Variants in FCSK observed in about 807,000 individuals in gnomAD.
FCSK encodes the protein L-fucose kinase.
Under a neutral mutation model 122.5 loss-of-function variants are expected in FCSK, and 123 were observed. The observed-to-expected ratio is 1.00, with a 90% CI of 0.87 to 1.17. FCSK has a LOEUF of 1.17. FCSK is among the 50% of genes most tolerant of loss of function. FCSK has a pLI of 0.00. For missense variants in FCSK, 1,366 were observed against 1,450.4 expected (o/e 0.94, Z 0.95); for synonymous variants, 620 against 625.5 (o/e 0.99, Z 0.13).
At chr16:70,463,126 A>T (rs2048318581) in intron 1 of FCSK, 43 bp from the exon 2 acceptor site, 5 of 1,103,762 alleles carry the variant, frequency 4.5e-6, no homozygotes, top group Non-Finnish European at 4.1e-6. Flanking sequence ...TTTAGTTATG[A>T]TGGTTTAAAA....
chr16:70,460,821 C>T (rs1271327338), intron 1 of FCSK, among the ~76,000 whole-genome samples: 1 of 152,210 alleles, frequency 6.6e-6, no homozygotes, highest in Non-Finnish European at 1.5e-5. Flanking sequence ...AAAGCGTGGC[C>T]TCCATGTAAA....
chr16:70,463,744 T>C lies in FCSK; in HGVS notation c.204T>C (p.Ala68=). The C allele has an allele frequency of 6.2e-7, 1 of 1,612,158 alleles. No individual in the cohort carries two copies. Among genetic ancestry groups the C allele is most frequent in the Non-Finnish European group, 8.5e-7 (1 of 1,179,848 alleles). Residue 68 remains alanine, a synonymous_variant, in exon 3 of 24, where the codon GCT becomes GCC. Coordinates refer to ENST00000288078, the MANE Select transcript of FCSK (RefSeq NM_145059.3). ...CCCTCAACGCCCTGCTGGTGGCTGC[T>C]GAACACCTGAGTGCCCGGGCAGGCT... ...GATLNALLVA[A]EHLSARAGFT...
intron 6 of FCSK, 69 bp from the exon 7 acceptor site, chr16:70,467,305 C>A: frequency 8.7e-7 from 1 of 1,148,600 alleles, no homozygotes; most frequent in Non-Finnish European, 1.3e-6. Flanking sequence ...GCTCTTGCTT[C>A]CACCTGGTGG....
intron 7 of FCSK, 173 bp downstream of exon 7, chr16:70,467,644 A>C: frequency 3.1e-6 from 2 of 640,638 alleles, no homozygotes; most frequent in Non-Finnish European, 5.5e-6. Context: ...CGCCAAAAAT[A>C]CATTTCACAC....
chr16:70,464,340 T>C lies in FCSK; in HGVS notation c.234+566T>C, dbSNP rs776556052. On this transcript the variant is annotated intron_variant, in intron 3 of 23. Transcript: ENST00000288078. ...CAGCCAGCCCCCAACTCTTGTTGCC[T>C]GTAACCTCCCCTTCAAAACAGACAG... 1.2e-4 allele frequency among the ~76,000 whole-genome samples: 19 copies of C among 152,244 alleles called. No homozygotes were observed. In the Middle Eastern group the frequency reaches 0.01, roughly 82 times the overall value.
chr16:70,474,630 G>T lies in FCSK; in HGVS notation c.2091G>T (p.Gln697His). The change falls in exon 17 of 24, where the codon CAG becomes CAT. Residue 697 changes from glutamine (Q) to histidine (H), a missense_variant. Gln to His is a conservative substitution (Grantham distance 24). Coordinates refer to ENST00000288078, the MANE Select transcript of FCSK (RefSeq NM_145059.3). ...CCCAGCACTTTGTCTCCACAGAGCA[G>T]GTGGAACTGCCGGGACCTGGGCAGT... Reference protein sequence around the residue: ...MSAQHFVSTEQVELPGPGQWV... With the variant: ...MSAQHFVSTEHVELPGPGQWV... The T allele has an allele frequency of 1.3e-6, 2 of 1,592,572 alleles. No homozygotes were observed. The highest frequency in any genetic ancestry group is 1.7e-6 in the Non-Finnish European group (2 of 1,169,736).
chr16:70,475,046 G>A (rs1426885415), intron 18 of FCSK, 35 bp downstream of exon 18: 11 of 1,540,962 alleles, frequency 7.1e-6, no homozygotes, highest in African/African-American at 1.4e-5. Flanking sequence ...GGTGGGGCTG[G>A]CCAGCTGGGG....
intron 10 of FCSK, 68 bp from the exon 11 acceptor site, chr16:70,470,246 C>A: frequency 9.2e-7 from 1 of 1,085,706 alleles, no homozygotes; most frequent in Non-Finnish European, 1.4e-6. Flanking sequence ...GTCTCTGCTG[C>A]TGGGAGGCAG....
rs1467484253 is a variant in FCSK at position 70,479,688 on chromosome 16, TTC to T, written c.*14_*15del. 4 of 1,611,650 alleles carry T rather than the reference TTC, an allele frequency of 2.5e-6. No homozygotes were observed. The Admixed American group carries it at 6.7e-5, about 27-fold the overall frequency. ...TGTTGCCCTTTCCCATGAAGCTGGC[TTC>T]TCTCTGCAACAGGAGAAAACCTGGA... On this transcript the variant is annotated 3_prime_UTR_variant, in exon 24 of 24. Coordinates refer to ENST00000288078, the MANE Select transcript of FCSK (RefSeq NM_145059.3).
chr16:70,465,292 T>C, intron 4 of FCSK, 116 bp downstream of exon 4: 1 of 1,062,058 alleles, frequency 9.4e-7, no homozygotes, highest in Non-Finnish European at 1.3e-6. Context: ...ATCTGAAAGA[T>C]TCTAAATGTC....
intron 3 of FCSK, 61 bp from the exon 4 acceptor site, chr16:70,465,065 G>T: frequency 1.2e-6 from 2 of 1,603,674 alleles, no homozygotes; most frequent in Non-Finnish European, 1.7e-6. Context: ...GGATTCGAGG[G>T]TGCCATCCTC....
intron 1 of FCSK, among the ~76,000 whole-genome samples, chr16:70,460,002 A>C (rs1237760511): frequency 6.6e-6 from 1 of 150,674 alleles, no homozygotes; most frequent in African/African-American, 2.4e-5. Context: ...GGGTTTCACC[A>C]TGTTGGCCAG....
At chr16:70,464,160 C>T (rs1409030303) in intron 3 of FCSK, among the ~76,000 whole-genome samples, 1 of 152,202 alleles carries the variant, frequency 6.6e-6, no homozygotes, top group Non-Finnish European at 1.5e-5. Flanking sequence ...GTCTCCCATG[C>T]AACCAGCCAC....
intron 20 of FCSK, 52 bp from the exon 21 acceptor site, chr16:70,478,220 G>T (rs976452950): frequency 6.3e-7 from 1 of 1,585,074 alleles, no homozygotes; most frequent in Non-Finnish European, 8.6e-7. Context: ...TAGGCTGGGA[G>T]AGTGAAGCTG....
At position 70,478,447 on chromosome 16, in the gene FCSK, G is replaced by A; in HGVS notation, c.2817G>A (p.Arg939=). 6.2e-7 allele frequency: 1 copy of A among 1,614,036 alleles called. No individual in the cohort carries two copies. Residue 939 remains arginine (R), a synonymous_variant, in exon 21 of 24, where the codon CGG becomes CGA. Coordinates refer to ENST00000288078, the MANE Select transcript of FCSK (RefSeq NM_145059.3). ...LVYTGKTRLA[R]NLLQDVLRSW... is the part of the protein sequence containing the mutation. ...ACACTGGCAAGACCCGCCTGGCTCG[G>A]AACCTGCTGCAGGTGAGCTCTGGCC...
At chr16:70,465,394 ATG>A in intron 4 of FCSK, among the ~76,000 whole-genome samples, 2 of 152,202 alleles carry the variant, frequency 1.3e-5, no homozygotes, top group East Asian at 3.9e-4. Flanking sequence ...GCAGTGGCTC[ATG>A]CCTGTAAATC....
At chr16:70,476,007 CTT>C (rs766432363) in intron 20 of FCSK, among the ~76,000 whole-genome samples, 5 of 145,322 alleles carry the variant, frequency 3.4e-5, no homozygotes, top group African/African-American at 5.0e-5. Flanking sequence ...GTGCTGTGCC[CTT>C]TTTTTTTTTT....
At position 70,471,305 on chromosome 16, in the gene FCSK, T is replaced by G; in HGVS notation, c.1294T>G (p.Ser432Ala). The G allele has an allele frequency of 6.2e-7, 1 of 1,602,602 alleles. No homozygotes were observed. Among genetic ancestry groups the G allele is most frequent in the South Asian group, 1.1e-5 (1 of 89,304 alleles). ...GGGACACCACACGCGGCTACACGGC[T>G]CCCCGGGCCACGCCTTCACCCTCGT... is the stretch of plus-strand genomic sequence containing the variant. ...LQGHHTRLHG[S>A]PGHAFTLVGR... Residue 432 changes from serine to alanine, a missense_variant, in exon 13 of 24, where the codon TCC (serine) becomes GCC (alanine). Transcript: ENST00000288078.
At chr16:70,475,568 C>T (rs1217614192) in intron 19 of FCSK, 75 bp downstream of exon 19, 2 of 1,584,938 alleles carry the variant, frequency 1.3e-6, no homozygotes, top group Non-Finnish European at 1.7e-6. Context: ...CCCTTCCTGG[C>T]CTCTGCCCTT....
Sources: allele counts gnomAD v4.1 joint callset (sites outside exome capture counted in the v4.1 genomes callset), GRCh38; gene constraint gnomAD v4.1.1; transcripts MANE v1.5; gene names NCBI Gene and HGNC (gene_info 2026-07-23, HGNC 2026-07-21).